The following SRPK2 variants were observed in gnomAD, a reference collection of about 807,000 sequenced individuals.
SRPK2 encodes SRSF protein kinase 2, also known as SFRS protein kinase 2.
In SRPK2, 21 loss-of-function variants were observed where a neutral mutation model predicts 90.8. The ratio of observed to expected loss-of-function variants is 0.23; its 90% CI spans 0.16 to 0.33. SRPK2 has a LOEUF of 0.33. SRPK2 is among the 10% of genes least tolerant of loss of function. The pLI is 1.00. For missense variants in SRPK2, 620 were observed against 869.0 expected, an observed-to-expected ratio of 0.71 and a Z score of 3.60; for synonymous variants, 288 against 311.1, an observed-to-expected ratio of 0.93 and a Z score of 0.78.
At chr7:105,178,900 A>C (rs561542299) in intron 3 of SRPK2, among the ~76,000 whole-genome samples, 10 of 152,352 alleles carry the variant, frequency 6.6e-5, no homozygotes, top group African/African-American at 2.4e-4. Flanking sequence ...TAGTAATTTA[A>C]ACCACAATTT....
At chr7:105,170,841 AAGAAAGAAAG>A (rs1790798629) in intron 3 of SRPK2, among the ~76,000 whole-genome samples, 1 of 7,766 alleles carries the variant, frequency 1.3e-4, no homozygotes, top group African/African-American at 4.1e-4. Context: ...GAAAGGAAGA[AAGAAAGAAAG>A]AAAGAAAGAA....
chr7:105,260,469 G>A (rs1161981159), intron 2 of SRPK2, among the ~76,000 whole-genome samples: 1 of 152,234 alleles, frequency 6.6e-6, no homozygotes, highest in African/African-American at 2.4e-5. Flanking sequence ...GTGGAAGACA[G>A]TGTGGCAATT....
chr7:105,354,176 T>C lies in SRPK2; in HGVS notation c.71+34472A>G, dbSNP rs189728207. Among the ~76,000 whole-genome samples, 5 of 152,300 alleles carry C rather than the reference T, an allele frequency of 3.3e-5. No individual in the cohort carries two copies. In the East Asian group the frequency reaches 5.8e-4, roughly 18 times the overall value. On this transcript the variant is annotated intron_variant, in intron 2 of 15. Transcript: ENST00000393651. ...AGATGGGTTTGGGGCTAAGTTGACATGGTAACAGGACCAGTCACAGGTCTC... is the reference window on the plus strand; with the variant it reads ...AGATGGGTTTGGGGCTAAGTTGACACGGTAACAGGACCAGTCACAGGTCTC...
At chr7:105,158,998 A>G (rs1807001362) in intron 7 of SRPK2, among the ~76,000 whole-genome samples, 1 of 152,016 alleles carries the variant, frequency 6.6e-6, no homozygotes, top group Non-Finnish European at 1.5e-5. Context: ...AAATGCTACT[A>G]TTTGAAAGCT....
chr7:105,164,022 C>T lies in SRPK2; in HGVS notation c.514+3355G>A, dbSNP rs542486042. On this transcript the variant is annotated intron_variant, in intron 6 of 15. Transcript: ENST00000393651. ...AACGGAAATTTTAAACAGGTACGAT[C>T]GAGATCCTGAGGCATTTCTTCAAAG... Among the ~76,000 whole-genome samples, 8 of 152,232 alleles carry T rather than the reference C, an allele frequency of 5.3e-5. No individual in the cohort carries two copies. In the East Asian group the frequency reaches 5.8e-4, roughly 11 times the overall value.
intron 2 of SRPK2, among the ~76,000 whole-genome samples, chr7:105,276,588 A>C (rs887098222): frequency 1.3e-4 from 20 of 151,684 alleles, no homozygotes; most frequent in African/African-American, 4.6e-4. Context: ...AAAAAAAAAA[A>C]ATTAGGTAAG....
intron 3 of SRPK2, among the ~76,000 whole-genome samples, chr7:105,174,451 G>C (rs1791578054): frequency 6.6e-6 from 1 of 151,944 alleles, no homozygotes; most frequent in Non-Finnish European, 1.5e-5. Context: ...TATTACCTGA[G>C]TTCCGCTGAG....
At chr7:105,372,634 C>G (rs1819832192) in intron 2 of SRPK2, among the ~76,000 whole-genome samples, 1 of 152,170 alleles carries the variant, frequency 6.6e-6, no homozygotes, top group South Asian at 2.1e-4. Context: ...TCAAGTTGCT[C>G]TACCTTCACC....
intron 11 of SRPK2, 55 bp from the exon 12 acceptor site, chr7:105,133,159 G>T: frequency 6.6e-7 from 1 of 1,517,724 alleles, no homozygotes; most frequent in Non-Finnish European, 9.2e-7. Context: ...GTTTGCATGT[G>T]TGAGCACAGT....
intron 2 of SRPK2, among the ~76,000 whole-genome samples, chr7:105,332,376 C>CGAAGG (rs1814526964): frequency 6.6e-6 from 1 of 152,108 alleles, no homozygotes; most frequent in Non-Finnish European, 1.5e-5. Context: ...CAAATACCTT[C>CGAAGG]TATTTCCAAA....
chr7:105,375,546 A>G (rs1159137011), intron 2 of SRPK2, among the ~76,000 whole-genome samples: 1 of 152,202 alleles, frequency 6.6e-6, no homozygotes, highest in African/African-American at 2.4e-5. Flanking sequence ...TGTATTCAAA[A>G]TCACAGCGAT....
intron 2 of SRPK2, among the ~76,000 whole-genome samples, chr7:105,387,493 T>A (rs1297627874): frequency 6.6e-6 from 1 of 150,608 alleles, no homozygotes; most frequent in Admixed American, 6.7e-5. Flanking sequence ...GCTTTCCCCT[T>A]ACTCTAATGG....
chr7:105,377,394 C>T (rs1218274935), intron 2 of SRPK2, among the ~76,000 whole-genome samples: 3 of 150,642 alleles, frequency 2.0e-5, no homozygotes, highest in African/African-American at 4.8e-5. Context: ...ATATAGAGAC[C>T]TCAAAAAGGC....
intron 2 of SRPK2, among the ~76,000 whole-genome samples, chr7:105,241,926 C>T (rs557250942): frequency 6.6e-6 from 1 of 152,222 alleles, no homozygotes; most frequent in East Asian, 1.9e-4. Context: ...AATGTTCCCA[C>T]CAAGAAAAGG....
At chr7:105,387,697 T>C (rs1183245545) in intron 2 of SRPK2, among the ~76,000 whole-genome samples, 1 of 152,164 alleles carries the variant, frequency 6.6e-6, no homozygotes, top group Admixed American at 6.5e-5. Flanking sequence ...GTACCAAAGA[T>C]GCCACACAGA....
In SRPK2 at chr7:105,145,275, G is replaced by A; in HGVS notation, c.813+8C>T. The A allele has an allele frequency of 1.3e-6, 2 of 1,589,914 alleles. No individual in the cohort carries two copies. The highest frequency in any genetic ancestry group is 8.6e-7 in the Non-Finnish European group (1 of 1,168,112). ...GGTGCATATAAAGTAATATGCGTAA[G>A]TACTTACAGGTTTCTGCTGTGGAGC... On this transcript the variant is annotated splice_region_variant and intron_variant, in intron 9 of 15. Transcript: ENST00000393651.
At chr7:105,261,470 G>A (rs925533952) in intron 2 of SRPK2, among the ~76,000 whole-genome samples, 20 of 151,624 alleles carry the variant, frequency 1.3e-4, no homozygotes, top group African/African-American at 1.9e-4. Context: ...GCAGTGAGCC[G>A]AGATCGCGCC....
intron 2 of SRPK2, among the ~76,000 whole-genome samples, chr7:105,329,549 G>A (rs994008354): frequency 2.0e-5 from 3 of 149,234 alleles, no homozygotes; most frequent in East Asian, 2.0e-4. Context: ...AGCCGAGATC[G>A]CACCACCGCA....
rs1584834058 is a variant in SRPK2, at chr7:105,117,732, G to A, written c.*106C>T. 4 of 1,275,348 alleles carry A rather than the reference G, an allele frequency of 3.1e-6. No individual in the cohort carries two copies. The highest frequency in any genetic ancestry group is 3.0e-5 in the African/African-American group (2 of 66,396). The allele number at this position is 1,275,348 out of a possible 1,614,324, so 79.0% of individuals were successfully genotyped here. ...CCTCAAAGCAAAATAAAGGTCTGAG[G>A]ATGAAGCCAGCTCACTTGTAATCCT... On this transcript the variant is annotated 3_prime_UTR_variant, in exon 16 of 16. Transcript: ENST00000393651.
Sources: allele counts gnomAD v4.1 joint callset (sites outside exome capture counted in the v4.1 genomes callset), GRCh38; gene constraint gnomAD v4.1.1; transcripts MANE v1.5; gene names NCBI Gene and HGNC (gene_info 2026-07-23, HGNC 2026-07-21).